DPY19L1: variants seen among roughly 807,000 people sequenced by gnomAD.
DPY19L1 encodes protein C-mannosyl-transferase DPY19L1.
In DPY19L1, 35 loss-of-function variants were observed where a neutral mutation model predicts 96.9. The ratio of observed to expected loss-of-function variants is 0.36; its 90% confidence interval spans 0.28 to 0.48. The LOEUF (loss-of-function observed/expected upper bound fraction) is 0.48. Ranked by LOEUF, DPY19L1 falls within the 20% of genes least tolerant of loss-of-function variation. The probability of loss-of-function intolerance (pLI) is 0.99; values close to 1 mark genes in which losing one functional copy is unlikely to be tolerated. For synonymous variants in DPY19L1, 205 were observed against 252.6 expected (o/e 0.81, Z 1.79); for missense variants, 521 against 777.9 (o/e 0.67, Z 3.93).
intron 1 of DPY19L1, among the ~76,000 whole-genome samples, chr7:35,027,657 C>G (rs1178514916): frequency 4.7e-5 from 3 of 63,714 alleles, no homozygotes; most frequent in African/African-American, 1.2e-4. Flanking sequence ...ATGGCAAAAC[C>G]CCGTCTCTAC....
intron 8 of DPY19L1, 125 bp downstream of exon 8, chr7:34,973,389 T>C: frequency 2.0e-6 from 1 of 496,638 alleles, no homozygotes; most frequent in African/African-American, 2.0e-5. Context: ...ACTCTTATAA[T>C]ATTTTTACTA....
intron 6 of DPY19L1, among the ~76,000 whole-genome samples, chr7:34,997,608 TCAAAAAAA>T (rs1562821116): frequency 3.1e-5 from 1 of 32,578 alleles, no homozygotes. Context: ...AGACTCCGTC[TCAAAAAAA>T]AAAAAAAAAA....
intron 3 of DPY19L1, among the ~76,000 whole-genome samples, chr7:35,013,928 C>T (rs369631275): frequency 3.3e-5 from 5 of 152,076 alleles, no homozygotes; most frequent in African/African-American, 1.2e-4. Flanking sequence ...AAAATAGCTT[C>T]AAAAAGTTTC....
chr7:35,031,601 A>G (rs1786262261), intron 1 of DPY19L1, among the ~76,000 whole-genome samples: 1 of 152,232 alleles, frequency 6.6e-6, no homozygotes, highest in Admixed American at 6.5e-5. Flanking sequence ...TATTAGCAAC[A>G]TCCAAATACC....
chr7:34,972,033 T>A (rs1286275239), intron 8 of DPY19L1, among the ~76,000 whole-genome samples: 1 of 152,160 alleles, frequency 6.6e-6, no homozygotes, highest in African/African-American at 2.4e-5. Flanking sequence ...AAGAGAAGGT[T>A]GGAGTGAACT....
At chr7:34,939,634 A>C (rs1048013486) in intron 19 of DPY19L1, among the ~76,000 whole-genome samples, 2 of 152,216 alleles carry the variant, frequency 1.3e-5, no homozygotes, top group Non-Finnish European at 2.9e-5. Context: ...TCTTTAAAGA[A>C]AAAATCTTAG....
At chr7:35,037,842 G>C, upstream of DPY19L1, 3 of 1,232,698 alleles carry the variant, frequency 2.4e-6, no homozygotes, top group Non-Finnish European at 3.0e-6. Flanking sequence ...CGCGGGGCTC[G>C]GCCGGTGCGA....
chr7:35,003,496 A>G (rs188955747), intron 6 of DPY19L1, among the ~76,000 whole-genome samples: 1 of 152,340 alleles, frequency 6.6e-6, no homozygotes, highest in East Asian at 1.9e-4. Flanking sequence ...AAAGACACTT[A>G]TATCACTCAC....
intron 13 of DPY19L1, among the ~76,000 whole-genome samples, chr7:34,953,448 T>C (rs754138528): frequency 6.6e-6 from 1 of 152,132 alleles, no homozygotes; most frequent in African/African-American, 2.4e-5. Flanking sequence ...TTCACTTGTC[T>C]TCCTGATCAC....
At chr7:35,012,190 C>G (rs1241543355) in intron 4 of DPY19L1, among the ~76,000 whole-genome samples, 1 of 152,200 alleles carries the variant, frequency 6.6e-6, no homozygotes, top group Non-Finnish European at 1.5e-5. Context: ...TAGGGAAAGA[C>G]ATCAAGGCCA....
In DPY19L1 at chr7:35,010,116, G is replaced by C. The variant is rs559577106; in HGVS notation, c.764+352C>G. Among the ~76,000 whole-genome samples the C allele has an allele frequency of 2.0e-5, 3 of 151,742 alleles. No individual in the cohort carries two copies. The East Asian group carries it at 5.8e-4, about 29-fold the overall frequency. Reference sequence around the variant, plus strand: ...TTGGTGGCGTGCACCTATAGTCCCAGCTACTCAGGAGGCTGAAGTGGGAGG... The same window carrying C: ...TTGGTGGCGTGCACCTATAGTCCCACCTACTCAGGAGGCTGAAGTGGGAGG... On this transcript the variant is annotated intron_variant, in intron 6 of 21. Transcript: ENST00000638088.
chr7:35,014,286 C>T lies in DPY19L1; in HGVS notation c.412-581G>A, dbSNP rs555818020. Among the ~76,000 whole-genome samples the T allele has an allele frequency of 3.9e-5, 6 of 152,166 alleles. No homozygotes were observed. The South Asian group carries it at 1.0e-3, about 26-fold the overall frequency. ...TATCAAGTCAGCATAAGGTAAGAAC[C>T]CTGTGCGACTGGGGATAAGGGTGGG... On this transcript the variant is annotated intron_variant, in intron 3 of 21. Coordinates refer to ENST00000638088, the MANE Select transcript of DPY19L1 (RefSeq NM_001366673.1).
intron 1 of DPY19L1, among the ~76,000 whole-genome samples, chr7:35,031,144 T>C (rs762101458): frequency 3.9e-5 from 6 of 152,206 alleles, no homozygotes; most frequent in Non-Finnish European, 8.8e-5. Context: ...TCTATGACAA[T>C]GTAGATTTAG....
At position 34,954,057 on chromosome 7, in the gene DPY19L1, T is replaced by G. The variant is rs545631978; in HGVS notation, c.1320+641A>C. 5.9e-5 allele frequency among the ~76,000 whole-genome samples: 9 copies of G among 152,302 alleles called. No individual in the cohort carries two copies. In the East Asian group the frequency reaches 1.7e-3, roughly 29 times the overall value. ...AAAAAAATAGTTTATTTTTTCCATG[T>G]TGGTTCTTGTGCTGCTTTTTTAAAT... On this transcript the variant is annotated intron_variant, in intron 13 of 21. Coordinates refer to ENST00000638088, the MANE Select transcript of DPY19L1 (RefSeq NM_001366673.1).
chr7:34,938,842 T>C (rs1039676068), intron 20 of DPY19L1, among the ~76,000 whole-genome samples: 2 of 152,198 alleles, frequency 1.3e-5, no homozygotes, highest in African/African-American at 2.4e-5. Flanking sequence ...TCTAACAGGC[T>C]ATACTGGTGA....
intron 7 of DPY19L1, among the ~76,000 whole-genome samples, chr7:34,984,543 T>C (rs536377252): frequency 8.5e-5 from 13 of 152,314 alleles, no homozygotes; most frequent in Middle Eastern, 3.4e-3. Context: ...CTATTGTAGA[T>C]TGCTTTTCAA....
At chr7:35,007,255 T>C (rs1246377490) in intron 6 of DPY19L1, among the ~76,000 whole-genome samples, 5 of 152,146 alleles carry the variant, frequency 3.3e-5, no homozygotes, top group African/African-American at 4.8e-5. Context: ...TGCCTTTGAA[T>C]AGAGCTAAAG....
intron 8 of DPY19L1, among the ~76,000 whole-genome samples, chr7:34,972,225 G>A (rs1784738526): frequency 6.6e-6 from 1 of 152,148 alleles, no homozygotes; most frequent in African/African-American, 2.4e-5. Context: ...TCAGGAAGAG[G>A]GTTGCACCTC....
At chr7:35,007,441 T>C (rs947022731) in intron 6 of DPY19L1, among the ~76,000 whole-genome samples, 12 of 152,070 alleles carry the variant, frequency 7.9e-5, no homozygotes, top group South Asian at 2.1e-4. Context: ...GCCACTGACA[T>C]TGGAAGAACC....
Sources: allele counts gnomAD v4.1 joint callset (sites outside exome capture counted in the v4.1 genomes callset), GRCh38; gene constraint gnomAD v4.1.1; transcripts MANE v1.5; gene names NCBI Gene and HGNC (gene_info 2026-07-23, HGNC 2026-07-21).